Variants in PKHD1 observed in about 807,000 individuals in gnomAD.
The protein encoded by PKHD1 is fibrocystin.
In PKHD1, 291 loss-of-function variants were observed where a neutral mutation model predicts 412.0. That is an observed-to-expected ratio of 0.71 (90% CI 0.64 to 0.78). The LOEUF is 0.78. Among genes scored for constraint, PKHD1 ranks in the 30% least tolerant of loss-of-function variants. PKHD1 has a pLI of 0.00. For synonymous variants in PKHD1, 1,777 were observed against 1,821.5 expected (o/e 0.98, Z 0.62); for missense variants, 4,825 against 4,950.7 (o/e 0.97, Z 0.76).
In PKHD1 at chr6:52,080,049, T is replaced by C. The variant is rs1892274; in HGVS notation, c.282-41A>G. ...GGAAATCCTTATGAATCAAAAACCA[T>C]GAATTCCCAAAGCTAGCAGCCCACT... On this transcript the variant is annotated intron_variant, in intron 4 of 66. Transcript: ENST00000371117. 0.49 allele frequency: 575,298 copies of C among 1,178,158 alleles called. 146,342 individuals are homozygous for C. The highest frequency in any genetic ancestry group is 0.63 in the Admixed American group (37,227 of 59,368). The allele number at this position is 1,178,158 out of a possible 1,614,324, so 73.0% of individuals were successfully genotyped here. A position where few individuals can be genotyped will look rare whatever the true frequency, so the allele number is the denominator to read the frequency against.
intron 24 of PKHD1, 34 bp from the exon 25 acceptor site, chr6:52,045,122 T>C: frequency 3.7e-6 from 6 of 1,610,184 alleles, no homozygotes; most frequent in Middle Eastern, 1.7e-4. Flanking sequence ...AATTCTGTCA[T>C]GGAACCGAAA....
intron 49 of PKHD1, among the ~76,000 whole-genome samples, chr6:51,848,837 G>C (rs982587820): frequency 4.0e-5 from 6 of 151,270 alleles, no homozygotes; most frequent in Non-Finnish European, 8.8e-5. Flanking sequence ...ATGAAAATAA[G>C]CTTAGGGAAT....
At position 51,759,559 on chromosome 6, in the gene PKHD1, T is replaced by A. The variant is rs77205459; in HGVS notation, c.8643-4621A>T. On this transcript the variant is annotated intron_variant, in intron 55 of 66. Transcript: ENST00000371117. The stretch of plus-strand genomic sequence containing the variant: ...TATTCTCCAGTAGAAAAAAAAGAGG[T>A]TGAAATAAAGAAGTAAAAAAGTAGA... Among the ~76,000 whole-genome samples the A allele has an allele frequency of 3.0e-4, 46 of 151,868 alleles. No homozygotes were observed. In the East Asian group the frequency reaches 8.1e-3, roughly 27 times the overall value.
At chr6:51,899,554 A>G (rs1266344790) in intron 43 of PKHD1, among the ~76,000 whole-genome samples, 1 of 151,308 alleles carries the variant, frequency 6.6e-6, no homozygotes, top group Non-Finnish European at 1.5e-5. Flanking sequence ...ACCCACAGCC[A>G]ATATCATACT....
At chr6:51,706,517 G>A (rs1459872609) in intron 60 of PKHD1, among the ~76,000 whole-genome samples, 5 of 150,718 alleles carry the variant, frequency 3.3e-5, no homozygotes, top group African/African-American at 1.2e-4. Flanking sequence ...TAATGAAAGA[G>A]GGAGGTGAAA....
chr6:51,619,256 A>G lies in PKHD1; in HGVS notation c.12050T>C (p.Leu4017Pro). 6.2e-7 allele frequency: 1 copy of G among 1,614,252 alleles called. No homozygotes were observed. Among genetic ancestry groups the G allele is most frequent in the South Asian group, 1.1e-5 (1 of 91,090 alleles). ...TCTGAAGTCTGGGCATAGCAGCAGC[A>G]GCTGATTTTGGCCTGCCAGCTGGTA... ...LRYQLAGQNQ[L>P]LLLCPDFRQE... Residue 4017 changes from leucine to proline, a missense_variant, in exon 67 of 67, where the codon CTG becomes CCG. By Grantham distance (98) the Leu-to-Pro change is moderately conservative. Coordinates refer to ENST00000371117, the MANE Select transcript of PKHD1 (RefSeq NM_138694.4).
chr6:51,858,738 T>C (rs1409817004), intron 48 of PKHD1, among the ~76,000 whole-genome samples: 1 of 152,176 alleles, frequency 6.6e-6, no homozygotes, highest in African/African-American at 2.4e-5. Flanking sequence ...TAGTGGGAGT[T>C]TAACAAATAT....
intron 60 of PKHD1, among the ~76,000 whole-genome samples, chr6:51,709,253 C>T (rs193009252): frequency 6.6e-6 from 1 of 152,264 alleles, no homozygotes; most frequent in East Asian, 1.9e-4. Context: ...TCTCAGTAAA[C>T]ATTTGTTGAA....
chr6:51,997,281 C>G (rs1241920649), intron 35 of PKHD1, among the ~76,000 whole-genome samples: 1 of 152,154 alleles, frequency 6.6e-6, no homozygotes, highest in African/African-American at 2.4e-5. Context: ...TTAGTGAGCC[C>G]TGAGCTGCTG....
rs111298706 is a variant in PKHD1, at chr6:51,787,460, C to T, written c.8440+3776G>A. On this transcript the variant is annotated intron_variant, in intron 53 of 66. Coordinates refer to ENST00000371117, the MANE Select transcript of PKHD1 (RefSeq NM_138694.4). ...ATAGCAGGCATACTCTGGCAGCACT[C>T]TGTGCCAATGTCCAAATCTATTAAG... 7.0e-3 allele frequency among the ~76,000 whole-genome samples: 1,070 copies of T among 151,956 alleles called. 16 individuals carry two copies. Among genetic ancestry groups the T allele is most frequent in the African/African-American group, 0.025 (1,031 of 41,458 alleles).
chr6:51,843,387 A>G (rs1770576693), intron 50 of PKHD1, among the ~76,000 whole-genome samples: 1 of 152,238 alleles, frequency 6.6e-6, no homozygotes, highest in South Asian at 2.1e-4. Context: ...GAAGAATCCT[A>G]CAAAGCTTGT....
chr6:52,077,578 T>C (rs1811503731), intron 5 of PKHD1, among the ~76,000 whole-genome samples: 1 of 152,218 alleles, frequency 6.6e-6, no homozygotes, highest in African/African-American at 2.4e-5. Flanking sequence ...AACTCGGTTG[T>C]TAATCAACAG....
At chr6:52,008,702 T>C (rs554607791) in intron 35 of PKHD1, among the ~76,000 whole-genome samples, 76 of 152,312 alleles carry the variant, frequency 5.0e-4, no homozygotes, top group African/African-American at 1.8e-3. Flanking sequence ...ATTTACCATG[T>C]GTGAGATGCA....
chr6:51,834,406 C>A lies in PKHD1; in HGVS notation c.8173+1998G>T, dbSNP rs148515356. On this transcript the variant is annotated intron_variant, in intron 51 of 66. Coordinates refer to ENST00000371117, the MANE Select transcript of PKHD1 (RefSeq NM_138694.4). ...CTGGATGTTCTTATATGACCATGGACAATATGTGCACTTAGTACGGGTACA... is the reference window on the plus strand; with the variant it reads ...CTGGATGTTCTTATATGACCATGGAAAATATGTGCACTTAGTACGGGTACA... Among the ~76,000 whole-genome samples, 309 of 152,150 alleles carry A rather than the reference C, an allele frequency of 2.0e-3. 1 individual carries two copies. The highest frequency in any genetic ancestry group is 7.1e-3 in the African/African-American group (295 of 41,512).
intron 48 of PKHD1, among the ~76,000 whole-genome samples, chr6:51,866,862 T>A (rs1183150437): frequency 6.6e-6 from 1 of 152,118 alleles, no homozygotes; most frequent in Non-Finnish European, 1.5e-5. Flanking sequence ...AATATATCCC[T>A]ACATATTATT....
At chr6:51,819,795 T>G (rs1766078131) in intron 52 of PKHD1, among the ~76,000 whole-genome samples, 1 of 152,146 alleles carries the variant, frequency 6.6e-6, no homozygotes, top group African/African-American at 2.4e-5. Flanking sequence ...GTAAATCAAT[T>G]TTGGCTTTGC....
intron 53 of PKHD1, among the ~76,000 whole-genome samples, chr6:51,782,955 G>A (rs2151203475): frequency 6.6e-6 from 1 of 151,978 alleles, no homozygotes; most frequent in Admixed American, 6.6e-5. Flanking sequence ...TTCTTCTTTA[G>A]GATTGAGAAA....
chr6:51,625,965 C>T (rs1767177484), intron 66 of PKHD1, among the ~76,000 whole-genome samples: 1 of 152,180 alleles, frequency 6.6e-6, no homozygotes, highest in African/African-American at 2.4e-5. Context: ...ATACCCTCTA[C>T]CACCTTCTGG....
At chr6:52,058,952 A>C (rs942859666) in intron 15 of PKHD1, among the ~76,000 whole-genome samples, 5 of 152,230 alleles carry the variant, frequency 3.3e-5, no homozygotes, top group African/African-American at 1.2e-4. Flanking sequence ...TGATCACATC[A>C]AAATCTATGA....
Sources: gnomAD v4.1 joint callset for allele counts (sites outside exome capture counted in the v4.1 genomes callset) on GRCh38, gnomAD v4.1.1 for gene constraint, MANE v1.5 for transcripts, NCBI Gene and HGNC (gene_info 2026-07-23, HGNC 2026-07-21) for gene names.